PRRC1: variants seen among roughly 807,000 people sequenced by gnomAD.
The protein encoded by PRRC1 is proline rich coiled-coil 1.
A neutral mutation model predicts 40.7 loss-of-function variants in PRRC1; 39 were observed. The observed-to-expected ratio is 0.96, with a 90% confidence interval of 0.74 to 1.25. PRRC1 has a LOEUF of 1.25. Among genes scored for constraint, PRRC1 ranks in the 50% most tolerant of loss-of-function variants. PRRC1 has a pLI of 0.00. For synonymous variants in PRRC1, 175 were observed against 193.3 expected, an observed-to-expected ratio of 0.91 and a Z score of 0.79; for missense variants, 573 against 548.3, an observed-to-expected ratio of 1.05 and a Z score of -0.45.
chr5:127,530,912 C>T (rs561024596), intron 5 of PRRC1, among the ~76,000 whole-genome samples: 2 of 152,280 alleles, frequency 1.3e-5, no homozygotes, highest in South Asian at 4.1e-4. Flanking sequence ...CATCCAGAAT[C>T]ATCCAGACAG....
intron 4 of PRRC1, among the ~76,000 whole-genome samples, chr5:127,528,441 A>G (rs1031896449): frequency 2.0e-5 from 3 of 151,956 alleles, no homozygotes; most frequent in Non-Finnish European, 2.9e-5. Context: ...CAGCCTCCCA[A>G]GTAGCTGGGA....
chr5:127,544,351 A>G (rs952233295), intron 7 of PRRC1, among the ~76,000 whole-genome samples: 9 of 152,238 alleles, frequency 5.9e-5, no homozygotes, highest in African/African-American at 2.2e-4. Context: ...TTGAGGAGGC[A>G]GTCTGCCCGT....
chr5:127,546,208 T>C (rs538259961), intron 7 of PRRC1, among the ~76,000 whole-genome samples: 1 of 152,356 alleles, frequency 6.6e-6, no homozygotes, highest in Non-Finnish European at 1.5e-5. Context: ...TTCTGCTGTG[T>C]CCAGCCTGTT....
chr5:127,544,923 A>G (rs1210461319), intron 7 of PRRC1, among the ~76,000 whole-genome samples: 1 of 152,160 alleles, frequency 6.6e-6, no homozygotes, highest in Admixed American at 6.5e-5. Context: ...CCCTAGTGAG[A>G]TGAACCTGGT....
intron 6 of PRRC1, among the ~76,000 whole-genome samples, chr5:127,535,690 A>G (rs1384019307): frequency 6.6e-6 from 1 of 152,144 alleles, no homozygotes; most frequent in Middle Eastern, 3.2e-3. Context: ...AATAGCCTGC[A>G]TTTTTTGAGA....
chr5:127,517,687 G>A lies in PRRC1; in HGVS notation c.-110G>A, dbSNP rs1382875416. Reference sequence around the variant, plus strand: ...GAGGTAACTTCCAGGGTGCGCCTTCGTTGTCTTCTCCAAGCTGTAGTTCTA... The same window carrying A: ...GAGGTAACTTCCAGGGTGCGCCTTCATTGTCTTCTCCAAGCTGTAGTTCTA... On this transcript the variant is annotated 5_prime_UTR_variant, in exon 1 of 9. Transcript: ENST00000296666. 1 of 152,092 alleles carries A rather than the reference G, an allele frequency of 6.6e-6. No individual in the cohort carries two copies. Among genetic ancestry groups the A allele is most frequent in the African/African-American group, 2.4e-5 (1 of 41,428 alleles). 9.4% of individuals were successfully genotyped at this position (152,092 alleles called of 1,614,324 possible).
At position 127,553,483 on chromosome 5, in the gene PRRC1, T is replaced by A. The variant is rs1000632073; in HGVS notation, c.*1567T>A. The A allele has an allele frequency of 4.5e-6, 5 of 1,108,748 alleles. No individual in the cohort carries two copies. Among genetic ancestry groups the A allele is most frequent in the Non-Finnish European group, 3.4e-6 (3 of 895,370 alleles). 68.7% of individuals were successfully genotyped at this position (1,108,748 alleles called of 1,614,324 possible). On this transcript the variant is annotated 3_prime_UTR_variant, in exon 9 of 9. Transcript: ENST00000296666. ...CAGGAGTAACAGGGACAGAATACTT[T>A]CTTTCTTTCCTTCAAGTACAAGAAG...
chr5:127,548,900 T>C (rs944356365), intron 8 of PRRC1: 8 of 152,152 alleles, frequency 5.3e-5, no homozygotes, highest in Non-Finnish European at 8.8e-5. Flanking sequence ...TTTATAGATA[T>C]TAACATTACA....
At chr5:127,540,442 A>G (rs1355683206) in intron 7 of PRRC1, among the ~76,000 whole-genome samples, 2 of 152,002 alleles carry the variant, frequency 1.3e-5, no homozygotes, top group Non-Finnish European at 2.9e-5. Context: ...TGTTCTTTGC[A>G]GTCAGTATTT....
rs945742481 is a variant in PRRC1 at position 127,545,433 on chromosome 5, T to G, written c.1026-2386T>G. Among the ~76,000 whole-genome samples the G allele has an allele frequency of 2.0e-5, 3 of 152,222 alleles. No homozygotes were observed. In the East Asian group the frequency reaches 5.8e-4, roughly 29 times the overall value. On this transcript the variant is annotated intron_variant, in intron 7 of 8. Transcript: ENST00000296666. ...CTGGATTAAGAAAATGTGGTACATATACACCATGGAATACTATGCAGCCAT... is the reference window on the plus strand; with the variant it reads ...CTGGATTAAGAAAATGTGGTACATAGACACCATGGAATACTATGCAGCCAT...
chr5:127,524,152 G>A (rs984538724), intron 2 of PRRC1: 1 of 170,336 alleles, frequency 5.9e-6, no homozygotes, highest in African/African-American at 2.4e-5. Context: ...GGGATTACAG[G>A]TGTGAGCCAC....
At chr5:127,521,419 G>C (rs892307489) in intron 1 of PRRC1, among the ~76,000 whole-genome samples, 2 of 152,164 alleles carry the variant, frequency 1.3e-5, no homozygotes, top group Non-Finnish European at 2.9e-5. Context: ...AATTAGCTTA[G>C]ACTGCGTGGT....
chr5:127,518,713 C>T (rs1335003583), intron 1 of PRRC1, among the ~76,000 whole-genome samples: 2 of 150,900 alleles, frequency 1.3e-5, no homozygotes, highest in African/African-American at 4.9e-5. Flanking sequence ...TTCTTGTAAA[C>T]TTGTAAATAG....
chr5:127,542,406 T>G (rs2127110229), intron 7 of PRRC1, among the ~76,000 whole-genome samples: 1 of 152,250 alleles, frequency 6.6e-6, no homozygotes, highest in Non-Finnish European at 1.5e-5. Flanking sequence ...GGTGCAGAGC[T>G]GAGTTCAATT....
chr5:127,538,515 G>A (rs1767956110), intron 6 of PRRC1, among the ~76,000 whole-genome samples: 1 of 152,016 alleles, frequency 6.6e-6, no homozygotes, highest in Admixed American at 6.6e-5. Flanking sequence ...ATAAGCTGTG[G>A]TGTAATGTAT....
chr5:127,553,350 T>C lies in PRRC1; in HGVS notation c.*1434T>C. ...ATTTGAATATTAAATATATGTTACTTTCCAAGCACTGTATAATGACTGTTC... is the reference window on the plus strand; with the variant it reads ...ATTTGAATATTAAATATATGTTACTCTCCAAGCACTGTATAATGACTGTTC... On this transcript the variant is annotated 3_prime_UTR_variant, in exon 9 of 9. Transcript: ENST00000296666. 2 of 986,766 alleles carry C rather than the reference T, an allele frequency of 2.0e-6. No homozygotes were observed. Among genetic ancestry groups the C allele is most frequent in the Non-Finnish European group, 2.4e-6 (2 of 830,796 alleles). 61.1% of individuals were successfully genotyped at this position (986,766 alleles called of 1,614,324 possible).
chr5:127,551,635 A>G (rs1490308428), intron 8 of PRRC1, 72 bp from the exon 9 acceptor site: 2 of 1,446,122 alleles, frequency 1.4e-6, no homozygotes, highest in Non-Finnish European at 1.9e-6. Flanking sequence ...ACACTTTGAA[A>G]TGTCACTTAT....
intron 5 of PRRC1, among the ~76,000 whole-genome samples, chr5:127,532,947 A>G (rs1040498609): frequency 6.6e-6 from 1 of 152,204 alleles, no homozygotes; most frequent in Non-Finnish European, 1.5e-5. Context: ...ATAATGAAAC[A>G]TTTGGTCAAA....
chr5:127,529,381 A>G (rs1336456582), intron 4 of PRRC1, among the ~76,000 whole-genome samples: 3 of 152,098 alleles, frequency 2.0e-5, no homozygotes, highest in Non-Finnish European at 2.9e-5. Context: ...CATACAGACT[A>G]CAACATTTTG....
Sources: gnomAD v4.1 joint callset for allele counts (sites outside exome capture counted in the v4.1 genomes callset) on GRCh38, gnomAD v4.1.1 for gene constraint, MANE v1.5 for transcripts, NCBI Gene and HGNC (gene_info 2026-07-23, HGNC 2026-07-21) for gene names.